Variants in DYNC1I1 observed in about 807,000 individuals in gnomAD.
DYNC1I1 encodes the protein cytoplasmic dynein 1 intermediate chain 1.
DYNC1I1 carries 43 observed loss-of-function variants against 86.6 expected under a neutral mutation model. The ratio of observed to expected loss-of-function variants is 0.50; its 90% CI spans 0.39 to 0.64. The LOEUF (loss-of-function observed/expected upper bound fraction) is 0.64, where lower values mean the gene tolerates loss of function less well. Among genes scored for constraint, DYNC1I1 ranks in the 30% least tolerant of loss-of-function variants. The probability of loss-of-function intolerance (pLI) is 0.00; values close to 1 mark genes in which losing one functional copy is unlikely to be tolerated. For synonymous variants in DYNC1I1, 262 were observed against 283.7 expected, an observed-to-expected ratio of 0.92 and a Z score of 0.77; for missense variants, 604 against 788.8, an observed-to-expected ratio of 0.77 and a Z score of 2.81.
intron 6 of DYNC1I1, among the ~76,000 whole-genome samples, chr7:95,949,063 G>A (rs1792481965): frequency 6.6e-6 from 1 of 152,138 alleles, no homozygotes; most frequent in South Asian, 2.1e-4. Flanking sequence ...CAGAGGAGGG[G>A]ATGTGGCCCA....
chr7:96,103,643 C>T (rs535637785), intron 16 of DYNC1I1, among the ~76,000 whole-genome samples: 2 of 150,158 alleles, frequency 1.3e-5, no homozygotes, highest in South Asian at 2.1e-4. Context: ...GACGGAGTCT[C>T]GCTCTGTCGC....
chr7:95,916,535 C>T (rs980191039), intron 6 of DYNC1I1, among the ~76,000 whole-genome samples: 1 of 152,072 alleles, frequency 6.6e-6, no homozygotes, highest in African/African-American at 2.4e-5. Flanking sequence ...AGTTGTTCTC[C>T]ATTTTCTTTT....
In DYNC1I1 at chr7:95,846,623, C is replaced by CTGTGTGTGTGTGTG. The variant is rs1314616292; in HGVS notation, c.374+18508_374+18509insGTGTGTGTGTGTGT. 9.9e-3 allele frequency among the ~76,000 whole-genome samples: 1,201 copies of CTGTGTGTGTGTGTG among 120,972 alleles called. 13 individuals carry two copies. The highest frequency in any genetic ancestry group is 0.014 in the Middle Eastern group (3 of 222). 79.4% of individuals were successfully genotyped at this position (120,972 alleles called of 152,430 possible). ...TTCTGAACATAAATGATAAATCTCTCTCTCTGTGTGTGTGTGTGTGTGTGT... is the reference window on the plus strand; with the variant it reads ...TTCTGAACATAAATGATAAATCTCTCTGTGTGTGTGTGTGTCTCTGTGTGTGTGTGTGTGTGTGT... On this transcript the variant is annotated intron_variant, in intron 5 of 16. Coordinates refer to ENST00000447467, the MANE Select transcript of DYNC1I1 (RefSeq NM_001135556.2).
At chr7:96,040,602 G>A (rs542281832) in intron 14 of DYNC1I1, among the ~76,000 whole-genome samples, 6 of 152,280 alleles carry the variant, frequency 3.9e-5, no homozygotes, top group South Asian at 2.1e-4. Flanking sequence ...AAAGGTGCCC[G>A]GGAGAGGCAT....
At position 95,878,776 on chromosome 7, in the gene DYNC1I1, A is replaced by G. The variant is rs114336164; in HGVS notation, c.490+8778A>G. 5.5e-3 allele frequency among the ~76,000 whole-genome samples: 834 copies of G among 152,314 alleles called. 10 individuals are homozygous for G. Among genetic ancestry groups the G allele is most frequent in the African/African-American group, 0.018 (743 of 41,572 alleles). The stretch of plus-strand genomic sequence containing the variant: ...TTAAAGCAAATAGTTCCATAGACAC[A>G]GCATAGTACAAATGCTGAAACCCAA... On this transcript the variant is annotated intron_variant, in intron 6 of 16. Transcript: ENST00000447467.
intron 14 of DYNC1I1, among the ~76,000 whole-genome samples, chr7:96,062,830 G>A (rs75152699): frequency 0.058 from 8,838 of 152,140 alleles, 398 homozygotes; most frequent in African/African-American, 0.13. Flanking sequence ...TTTAAACTCC[G>A]GTGCAGAAGA....
At chr7:95,789,977 C>T (rs753151382) in intron 1 of DYNC1I1, among the ~76,000 whole-genome samples, 13 of 152,116 alleles carry the variant, frequency 8.5e-5, no homozygotes, top group African/African-American at 1.2e-4. Flanking sequence ...CTGCCTGTGA[C>T]CACTGACTTG....
intron 10 of DYNC1I1, among the ~76,000 whole-genome samples, chr7:96,007,028 A>C (rs184330451): frequency 2.2e-3 from 334 of 152,334 alleles, no homozygotes; most frequent in African/African-American, 7.5e-3. Flanking sequence ...TAAAAAATGC[A>C]AAACAAAAGC....
chr7:95,997,468 A>C (rs536034380), intron 10 of DYNC1I1, among the ~76,000 whole-genome samples: 1 of 152,068 alleles, frequency 6.6e-6, no homozygotes, highest in South Asian at 2.1e-4. Context: ...GATCTTTATC[A>C]TGATTTTTAA....
chr7:95,777,766 T>C (rs1028805953), intron 1 of DYNC1I1, among the ~76,000 whole-genome samples: 4 of 152,152 alleles, frequency 2.6e-5, no homozygotes, highest in African/African-American at 9.7e-5. Flanking sequence ...TAGAGGACGA[T>C]TGTACTTGAT....
intron 16 of DYNC1I1, among the ~76,000 whole-genome samples, chr7:96,083,395 A>G (rs1199639907): frequency 6.7e-6 from 1 of 149,544 alleles, no homozygotes; most frequent in African/African-American, 2.6e-5. Flanking sequence ...CTGTAGAGGT[A>G]CAATGTACTA....
intron 6 of DYNC1I1, among the ~76,000 whole-genome samples, chr7:95,925,540 C>T (rs925404152): frequency 6.6e-6 from 1 of 152,176 alleles, no homozygotes; most frequent in East Asian, 1.9e-4. Context: ...TCCCGAGATT[C>T]TAAACAGAAA....
intron 6 of DYNC1I1, among the ~76,000 whole-genome samples, chr7:95,905,715 A>G (rs1191875798): frequency 6.7e-6 from 1 of 148,946 alleles, no homozygotes; most frequent in East Asian, 2.0e-4. Context: ...TTTTTTTTTC[A>G]TAGATGGCAT....
chr7:95,810,646 G>T, intron 3 of DYNC1I1, 140 bp downstream of exon 3: 1 of 711,376 alleles, frequency 1.4e-6, no homozygotes, highest in Non-Finnish European at 2.1e-6. Context: ...TATGGTTCAG[G>T]TTGCATGTGT....
intron 6 of DYNC1I1, among the ~76,000 whole-genome samples, chr7:95,949,603 T>A (rs1273879376): frequency 2.0e-5 from 3 of 152,240 alleles, no homozygotes; most frequent in Non-Finnish European, 4.4e-5. Flanking sequence ...TTGTTAGAAC[T>A]GGTAGATGTG....
At chr7:96,094,981 A>G (rs528054487) in intron 16 of DYNC1I1, among the ~76,000 whole-genome samples, 22 of 152,320 alleles carry the variant, frequency 1.4e-4, no homozygotes, top group African/African-American at 5.3e-4. Context: ...AAACTTCAGC[A>G]GATCAAAAAG....
intron 6 of DYNC1I1, among the ~76,000 whole-genome samples, chr7:95,953,166 C>T (rs1792604810): frequency 6.7e-6 from 1 of 150,310 alleles, no homozygotes; most frequent in African/African-American, 2.5e-5. Flanking sequence ...TCCCTTCACA[C>T]ACACCTTCAC....
At chr7:95,998,506 C>T (rs955726791) in intron 10 of DYNC1I1, among the ~76,000 whole-genome samples, 5 of 152,242 alleles carry the variant, frequency 3.3e-5, no homozygotes, top group Admixed American at 6.5e-5. Flanking sequence ...TATAACTTTT[C>T]TTCTATCCTA....
intron 1 of DYNC1I1, among the ~76,000 whole-genome samples, chr7:95,789,709 A>G (rs990433804): frequency 3.3e-5 from 5 of 152,168 alleles, no homozygotes; most frequent in Non-Finnish European, 7.3e-5. Context: ...ATACCTTGCA[A>G]ATGTCATCAT....
Sources: gnomAD v4.1 joint callset for allele counts (sites outside exome capture counted in the v4.1 genomes callset) on GRCh38, gnomAD v4.1.1 for gene constraint, MANE v1.5 for transcripts, NCBI Gene and HGNC (gene_info 2026-07-23, HGNC 2026-07-21) for gene names.